Variants in IL17RD observed in about 807,000 individuals in gnomAD.
IL17RD encodes interleukin 17 receptor D.
A neutral mutation model predicts 80.5 loss-of-function variants in IL17RD; 52 were observed. That is an observed-to-expected ratio of 0.65 (90% confidence interval 0.52 to 0.81). The LOEUF (loss-of-function observed/expected upper bound fraction) is 0.81, where lower values mean the gene tolerates loss of function less well. IL17RD is among the 40% of genes least tolerant of loss of function. The probability of loss-of-function intolerance (pLI) is 0.00; values close to 1 mark genes in which losing one functional copy is unlikely to be tolerated. For missense variants in IL17RD, 1,024 were observed against 955.1 expected, an observed-to-expected ratio of 1.07 and a Z score of -0.95; for synonymous variants, 416 against 391.8, an observed-to-expected ratio of 1.06 and a Z score of -0.73.
intron 1 of IL17RD, among the ~76,000 whole-genome samples, chr3:57,137,176 G>GT (rs1243018778): frequency 1.3e-5 from 2 of 152,220 alleles, no homozygotes; most frequent in African/African-American, 2.4e-5. Context: ...ATGACACAGA[G>GT]TCTTCCTGGT....
intron 1 of IL17RD, among the ~76,000 whole-genome samples, chr3:57,132,271 G>A (rs943250789): frequency 1.1e-4 from 16 of 151,780 alleles, no homozygotes; most frequent in African/African-American, 1.5e-4. Context: ...AGGAGTTCGA[G>A]ACCAGCCTGG....
chr3:57,110,262 C>G lies in IL17RD; in HGVS notation c.360G>C (p.Ser120=), dbSNP rs769728004. 1 of 1,609,318 alleles carries G rather than the reference C, an allele frequency of 6.2e-7. No homozygotes were observed. The highest frequency in any genetic ancestry group is 8.5e-7 in the Non-Finnish European group (1 of 1,177,776). The change falls in exon 4 of 13, where the codon TCG becomes TCC. Residue 120 remains serine (S), a synonymous_variant. Coordinates refer to ENST00000296318, the MANE Select transcript of IL17RD (RefSeq NM_017563.5). ...GFRVILEELK[S]EGRQCQQLIL... ...TCAGTTGTTGGCACTGTCTTCCCTC[C>G]GACTTCAGCTCCTCCAGTATTACCC...
At chr3:57,153,663 C>T (rs987303507) in intron 1 of IL17RD, among the ~76,000 whole-genome samples, 16 of 152,158 alleles carry the variant, frequency 1.1e-4, no homozygotes, top group Non-Finnish European at 1.5e-5. Flanking sequence ...AATGGGTGTT[C>T]ATTTTACTGT....
chr3:57,106,612 T>C (rs1446566610), intron 5 of IL17RD, among the ~76,000 whole-genome samples: 1 of 152,234 alleles, frequency 6.6e-6, no homozygotes, highest in African/African-American at 2.4e-5. Context: ...TTCACTAGTA[T>C]TCTAATTTAA....
At chr3:57,114,646 C>T in intron 3 of IL17RD, 46 bp downstream of exon 3, 1 of 1,547,486 alleles carries the variant, frequency 6.5e-7, no homozygotes, top group South Asian at 1.3e-5. Context: ...GCACTGGGCC[C>T]TATCCACCCA....
intron 1 of IL17RD, among the ~76,000 whole-genome samples, chr3:57,152,190 GC>G (rs1230256034): frequency 6.6e-6 from 1 of 151,836 alleles, no homozygotes; most frequent in Non-Finnish European, 1.5e-5. Flanking sequence ...GCTGCCCCCC[GC>G]CCCCGACCAA....
intron 7 of IL17RD, among the ~76,000 whole-genome samples, chr3:57,104,710 G>A (rs1433508114): frequency 1.3e-5 from 2 of 152,170 alleles, no homozygotes; most frequent in African/African-American, 4.8e-5. Flanking sequence ...CTTAATAAAA[G>A]GGTGAGGAAA....
intron 1 of IL17RD, 132 bp downstream of exon 1, chr3:57,165,029 T>C (rs2060337394): frequency 1.5e-6 from 2 of 1,346,106 alleles, no homozygotes; most frequent in Non-Finnish European, 1.9e-6. Context: ...GCGGGAGGAG[T>C]GAGACCCAGG....
At chr3:57,130,380 A>T (rs6787775) in intron 1 of IL17RD, among the ~76,000 whole-genome samples, 23,151 of 152,220 alleles carry the variant, frequency 0.15, 2,275 homozygotes, top group East Asian at 0.38. Flanking sequence ...GTGAATTCAA[A>T]TAGCAATATA....
At chr3:57,143,035 A>G (rs1428310189) in intron 1 of IL17RD, among the ~76,000 whole-genome samples, 6 of 152,232 alleles carry the variant, frequency 3.9e-5, no homozygotes, top group Non-Finnish European at 5.9e-5. Flanking sequence ...TAAAGTAGAC[A>G]GAGAATCAGG....
In IL17RD at chr3:57,102,536, C is replaced by A; in HGVS notation, c.922G>T (p.Val308Leu). The A allele has an allele frequency of 6.3e-7, 1 of 1,581,220 alleles. No homozygotes were observed. Among genetic ancestry groups the A allele is most frequent in the South Asian group, 1.1e-5 (1 of 88,050 alleles). ...IRAVAITVPL[V>L]VISAFATLFT... The stretch of plus-strand genomic sequence containing the variant: ...AGCGTCGCGAATGCCGATATGACTA[C>A]CAGTGGCACTGTGATGGCCACGGCT... Residue 308 changes from valine to leucine, a missense_variant, in exon 10 of 13, where the codon GTA becomes TTA. Transcript: ENST00000296318.
intron 1 of IL17RD, among the ~76,000 whole-genome samples, chr3:57,130,001 G>A (rs1342682688): frequency 6.6e-6 from 1 of 152,206 alleles, no homozygotes; most frequent in East Asian, 1.9e-4. Context: ...TCAGGCTCCA[G>A]GTAGCCTTAC....
At chr3:57,098,611 G>A in intron 11 of IL17RD, 73 bp from the exon 12 acceptor site, 1 of 1,001,698 alleles carries the variant, frequency 1.0e-6, no homozygotes. Context: ...TAACAGGAAG[G>A]GAAATGTCAG....
chr3:57,118,994 C>A (rs1707274612), intron 2 of IL17RD, among the ~76,000 whole-genome samples: 1 of 151,360 alleles, frequency 6.6e-6, no homozygotes, highest in Non-Finnish European at 1.5e-5. Flanking sequence ...TAACTTGAGG[C>A]CAGGAGTTCA....
intron 1 of IL17RD, among the ~76,000 whole-genome samples, chr3:57,138,500 G>A (rs1314241208): frequency 6.6e-6 from 1 of 152,136 alleles, no homozygotes; most frequent in East Asian, 1.9e-4. Flanking sequence ...AGGATCAAAG[G>A]ACAGGTCTGA....
chr3:57,163,997 G>C (rs1197898626), intron 1 of IL17RD, among the ~76,000 whole-genome samples: 4 of 152,200 alleles, frequency 2.6e-5, no homozygotes, highest in Non-Finnish European at 4.4e-5. Flanking sequence ...TTTTGGCTGT[G>C]CTGAGGCTGT....
At chr3:57,151,390 T>C (rs1403014322) in intron 1 of IL17RD, among the ~76,000 whole-genome samples, 1 of 152,192 alleles carries the variant, frequency 6.6e-6, no homozygotes. Flanking sequence ...GATCAAATTA[T>C]GGCAAAAAAT....
intron 1 of IL17RD, among the ~76,000 whole-genome samples, chr3:57,160,150 C>T (rs1180461244): frequency 6.6e-6 from 1 of 152,004 alleles, no homozygotes; most frequent in Non-Finnish European, 1.5e-5. Context: ...CCAGCCTGGG[C>T]TCCAGAGCGA....
intron 1 of IL17RD, among the ~76,000 whole-genome samples, chr3:57,140,906 T>A (rs1277104673): frequency 6.6e-6 from 1 of 151,788 alleles, no homozygotes; most frequent in Non-Finnish European, 1.5e-5. Context: ...TTTTTTTTTT[T>A]AATTGGAGAC....
Sources: gnomAD v4.1 joint callset for allele counts (sites outside exome capture counted in the v4.1 genomes callset) on GRCh38, gnomAD v4.1.1 for gene constraint, MANE v1.5 for transcripts, NCBI Gene and HGNC (gene_info 2026-07-23, HGNC 2026-07-21) for gene names.